The following SMARCC2 variants were observed in gnomAD, a reference collection of about 807,000 sequenced individuals.
SMARCC2 encodes SWI/SNF complex subunit SMARCC2.
SMARCC2 carries 15 observed loss-of-function variants against 151.3 expected under a neutral mutation model. That is an observed-to-expected ratio of 0.10 (90% CI 0.07 to 0.15). SMARCC2 has a LOEUF of 0.15. SMARCC2 is among the 10% of genes least tolerant of loss of function. The probability of loss-of-function intolerance (pLI) is 1.00; values close to 1 mark genes in which losing one functional copy is unlikely to be tolerated. For synonymous variants in SMARCC2, 590 were observed against 609.5 expected (o/e 0.97, Z 0.47); for missense variants, 1,031 against 1,599.7 (o/e 0.64, Z 6.06).
chr12:56,168,278 A>G (rs1873218806), intron 25 of SMARCC2, 84 bp from the exon 26 acceptor site: 1 of 1,514,588 alleles, frequency 6.6e-7, no homozygotes, highest in Admixed American at 1.8e-5. Flanking sequence ...GGATGCTGGC[A>G]GGTATAAGAA....
intron 11 of SMARCC2, among the ~76,000 whole-genome samples, chr12:56,179,385 G>A (rs1875670212): frequency 6.6e-6 from 1 of 152,200 alleles, no homozygotes; most frequent in Non-Finnish European, 1.5e-5. Context: ...GAATGGTTAA[G>A]TGTTAAACAT....
At chr12:56,178,211 A>C in intron 14 of SMARCC2, 118 bp from the exon 15 acceptor site, 2 of 968,740 alleles carry the variant, frequency 2.1e-6, no homozygotes, top group South Asian at 3.2e-5. Flanking sequence ...CTGAAGTTAG[A>C]AGCTTGGGGA....
At chr12:56,187,855 G>A (rs908374872) in intron 1 of SMARCC2, among the ~76,000 whole-genome samples, 1 of 152,122 alleles carries the variant, frequency 6.6e-6, no homozygotes, top group African/African-American at 2.4e-5. Context: ...CTCCTAGACA[G>A]GAAGGGCCAT....
At chr12:56,180,138 T>G (rs1396033060) in intron 11 of SMARCC2, among the ~76,000 whole-genome samples, 1 of 151,906 alleles carries the variant, frequency 6.6e-6, no homozygotes, top group Non-Finnish European at 1.5e-5. Context: ...AGATGGAGTC[T>G]CGCCCTGTTG....
chr12:56,174,003 C>T (rs1433523316), intron 16 of SMARCC2, among the ~76,000 whole-genome samples, 154 bp from the exon 17 acceptor site: 1 of 152,148 alleles, frequency 6.6e-6, no homozygotes, highest in African/African-American at 2.4e-5. Flanking sequence ...ATCTCACCTA[C>T]TCCAGTTGTT....
In SMARCC2 at chr12:56,172,948, T is replaced by G; in HGVS notation, c.1732A>C (p.Lys578Gln). 2.5e-6 allele frequency: 4 copies of G among 1,613,650 alleles called. No homozygotes were observed. Among genetic ancestry groups the G allele is most frequent in the Non-Finnish European group, 3.4e-6 (4 of 1,180,026 alleles). Reference sequence around the variant, plus strand: ...TGCACCCCACCTACCAGCTCTGGCTTGCCCTTAGCCGTCTCTGGCACCAGG... The same window carrying G: ...TGCACCCCACCTACCAGCTCTGGCTGGCCCTTAGCCGTCTCTGGCACCAGG... ...DDLVPETAKG[K>Q]PELQTSASQQ... Residue 578 changes from lysine (K) to glutamine (Q), a missense_variant, in exon 18 of 29, where the codon AAG becomes CAG. By Grantham distance (53) the Lys-to-Gln change is moderately conservative. Around this residue, in one of 12 missense-constraint regions of SMARCC2, gnomAD observed 99 missense variants for 148.3 expected, o/e 0.67. Coordinates refer to ENST00000550164, the MANE Select transcript of SMARCC2 (RefSeq NM_001330288.2).
intron 12 of SMARCC2, 38 bp from the exon 13 acceptor site, chr12:56,178,885 C>T (rs1330359161): frequency 6.2e-7 from 1 of 1,611,618 alleles, no homozygotes; most frequent in African/African-American, 1.3e-5. Context: ...CTGGAGCCTC[C>T]TGAGGGGCAA....
chr12:56,164,927 A>G (rs1363916387), intron 27 of SMARCC2, among the ~76,000 whole-genome samples, 196 bp from the exon 28 acceptor site: 1 of 152,058 alleles, frequency 6.6e-6, no homozygotes, highest in Non-Finnish European at 1.5e-5. Context: ...AGCTGGTACT[A>G]CATGTACGCA....
intron 26 of SMARCC2, among the ~76,000 whole-genome samples, chr12:56,166,545 A>G (rs1283080117): frequency 6.7e-6 from 1 of 150,008 alleles, no homozygotes; most frequent in Non-Finnish European, 1.5e-5. Context: ...GATGTCTCCC[A>G]TTAAACCTTA....
At chr12:56,170,240 A>T (rs771010749) in intron 22 of SMARCC2, 32 bp from the exon 23 acceptor site, 4 of 1,569,994 alleles carry the variant, frequency 2.5e-6, no homozygotes. Context: ...GAAAACAGGA[A>T]ATGTTTAATA....
At chr12:56,184,986 T>C (rs776129006) in intron 4 of SMARCC2, 44 bp downstream of exon 4, 8 of 1,587,842 alleles carry the variant, frequency 5.0e-6, no homozygotes, top group African/African-American at 2.7e-5. Context: ...GTGTTTTAGA[T>C]TCTCACTGAG....
chr12:56,171,440 AC>A lies in SMARCC2; in HGVS notation c.2186-9del. On this transcript the variant is annotated splice_polypyrimidine_tract_variant and intron_variant, in intron 21 of 28. Coordinates refer to ENST00000550164, the MANE Select transcript of SMARCC2 (RefSeq NM_001330288.2). This position sits in a 1 kb window ranked among gnomAD's most constrained non-coding sequence, Gnocchi z 4.2. ...TCATTTTGGAGAACTCCTCTGCAAG[AC>A]CCAGAAAGAATGAGGCTGGGAGCGG... is the stretch of plus-strand genomic sequence containing the variant. 1 of 1,614,184 alleles carries A rather than the reference AC, an allele frequency of 6.2e-7. No homozygotes were observed. Among genetic ancestry groups the A allele is most frequent in the East Asian group, 2.2e-5 (1 of 44,882 alleles).
At chr12:56,174,008 G>C (rs1269154488) in intron 16 of SMARCC2, among the ~76,000 whole-genome samples, 159 bp from the exon 17 acceptor site, 1 of 152,090 alleles carries the variant, frequency 6.6e-6, no homozygotes, top group African/African-American at 2.4e-5. Flanking sequence ...ACCTACTCCA[G>C]TTGTTCATTT....
In SMARCC2 at chr12:56,185,876, C is replaced by T. The variant is rs148238633; in HGVS notation, c.317+279G>A. The T allele has an allele frequency of 1.5e-3, 622 of 428,776 alleles. 2 individuals carry two copies. Among genetic ancestry groups the T allele is most frequent in the Middle Eastern group, 1.9e-3 (3 of 1,544 alleles). 26.6% of individuals were successfully genotyped at this position (428,776 alleles called of 1,614,324 possible). ...GTTCACTGATCTCAACTCCATGAAT[C>T]ACTCTCTGTGCTTACTTCAAAGGGA... On this transcript the variant is annotated intron_variant, in intron 3 of 28. Coordinates refer to ENST00000550164, the MANE Select transcript of SMARCC2 (RefSeq NM_001330288.2).
chr12:56,182,041 G>A lies in SMARCC2; in HGVS notation c.671C>T (p.Ser224Phe), dbSNP rs187604787. The change falls in exon 8 of 29, where the codon TCT becomes TTT. Residue 224 changes from serine (S) to phenylalanine (F), a missense_variant. Transcript: ENST00000550164. The stretch of plus-strand genomic sequence containing the variant: ...CTCAGGAGTTGGAGCATCTTCCACA[G>A]ATGCCTCAATTTCACTCGCTGGGAT... ...TWIPASEIEA[S>F]VEDAPTPEKP... 22 of 1,613,106 alleles carry A rather than the reference G, an allele frequency of 1.4e-5. No individual in the cohort carries two copies. In the Admixed American group the frequency reaches 1.7e-4, roughly 12 times the overall value.
intron 22 of SMARCC2, among the ~76,000 whole-genome samples, chr12:56,170,418 GTTTTTT>G (rs748919017): frequency 8.7e-5 from 13 of 149,864 alleles, no homozygotes; most frequent in South Asian, 4.3e-4. Flanking sequence ...CATAACACCT[GTTTTTT>G]TTTGTTTTTT....
At chr12:56,186,059 A>C in intron 3 of SMARCC2, 96 bp downstream of exon 3, 1 of 899,612 alleles carries the variant, frequency 1.1e-6, no homozygotes, top group East Asian at 2.4e-5. Context: ...AAATAAAGAG[A>C]CTCACAAGAA....
chr12:56,165,757 C>T, intron 26 of SMARCC2, 58 bp from the exon 27 acceptor site: 3 of 1,519,362 alleles, frequency 2.0e-6, no homozygotes, highest in Non-Finnish European at 2.7e-6. Context: ...AAGGCAAATG[C>T]CTCAACCCCT....
chr12:56,178,409 G>A lies in SMARCC2; in HGVS notation c.1305C>T (p.Tyr435=), dbSNP rs1226469192. The change falls in exon 14 of 29, where the codon TAC becomes TAT. Residue 435 remains tyrosine (Y), a synonymous_variant. Transcript: ENST00000550164. ...GAAGTTGGGGACAACCATACCTATT[G>A]TAGTCAAACCAGGCAGCGTAGCTGG... ...IIPSYAAWFD[Y]NSVHAIERRA... The A allele has an allele frequency of 3.1e-6, 5 of 1,614,126 alleles. No homozygotes were observed. In the African/African-American group the frequency reaches 5.3e-5, roughly 17 times the overall value.
Sources: gnomAD v4.1 joint callset for allele counts (sites outside exome capture counted in the v4.1 genomes callset) on GRCh38, gnomAD v4.1.1 for gene constraint, gnomAD v4.1.1 regional missense constraint, Gnocchi (gnomAD v3.1) non-coding constraint, MANE v1.5 for transcripts, NCBI Gene and HGNC (gene_info 2026-07-23, HGNC 2026-07-21) for gene names.